The following SUGCT variants were observed in gnomAD, a reference collection of about 807,000 sequenced individuals.
The protein encoded by SUGCT is succinyl-CoA:glutarate-CoA transferase.
In SUGCT, 41 loss-of-function variants were observed where a neutral mutation model predicts 55.0. The ratio of observed to expected loss-of-function variants is 0.74; its 90% CI spans 0.58 to 0.97. The LOEUF (loss-of-function observed/expected upper bound fraction) is 0.97. Ranked by LOEUF, SUGCT falls within the 50% of genes least tolerant of loss-of-function variation. The pLI is 0.00. For missense variants in SUGCT, 568 were observed against 547.8 expected (o/e 1.04, Z -0.37); for synonymous variants, 187 against 200.4 (o/e 0.93, Z 0.56).
chr7:40,380,553 ACTT>A (rs1562732367), intron 9 of SUGCT, among the ~76,000 whole-genome samples: 1 of 152,058 alleles, frequency 6.6e-6, no homozygotes, highest in African/African-American at 2.4e-5. Context: ...TTTGAAGAAG[ACTT>A]CTTTGACTTT....
chr7:40,481,355 T>TTA (rs1445015444), intron 11 of SUGCT, among the ~76,000 whole-genome samples: 17 of 150,292 alleles, frequency 1.1e-4, no homozygotes, highest in East Asian at 3.9e-4. Flanking sequence ...GATATATATA[T>TTA]TATATATATA....
chr7:40,677,575 A>G (rs1784060065), intron 12 of SUGCT, among the ~76,000 whole-genome samples: 1 of 152,058 alleles, frequency 6.6e-6, no homozygotes, highest in Non-Finnish European at 1.5e-5. Flanking sequence ...CTCTCTTTCT[A>G]CCTGCTCCTT....
intron 11 of SUGCT, among the ~76,000 whole-genome samples, chr7:40,494,101 A>G (rs1791845002): frequency 6.6e-6 from 1 of 152,174 alleles, no homozygotes; most frequent in South Asian, 2.1e-4. Flanking sequence ...TAAATACTAA[A>G]ACTTCAACTA....
chr7:40,628,916 AT>A (rs1229346623), intron 12 of SUGCT, among the ~76,000 whole-genome samples: 1 of 151,926 alleles, frequency 6.6e-6, no homozygotes, highest in Non-Finnish European at 1.5e-5. Context: ...AATTTTTTGT[AT>A]TTTTGGTAGA....
chr7:40,537,359 A>G (rs566928627), intron 12 of SUGCT, among the ~76,000 whole-genome samples: 85 of 152,260 alleles, frequency 5.6e-4, no homozygotes, highest in African/African-American at 1.9e-3. Context: ...AAAAAATGCT[A>G]TTTTTTATAT....
chr7:40,184,690 A>T (rs955566373), intron 3 of SUGCT, among the ~76,000 whole-genome samples: 12 of 152,116 alleles, frequency 7.9e-5, no homozygotes, highest in African/African-American at 2.7e-4. Context: ...TTATGTTTCA[A>T]GATCTGATCC....
chr7:40,956,916 A>G, the SUGCT span, among the ~76,000 whole-genome samples: 1 of 152,090 alleles, frequency 6.6e-6, no homozygotes, highest in Non-Finnish European at 1.5e-5. Flanking sequence ...GTTTCCATGT[A>G]GTTGTGTGGT....
At chr7:40,898,292 C>G in the SUGCT span, among the ~76,000 whole-genome samples, 1 of 152,130 alleles carries the variant, frequency 6.6e-6, no homozygotes, top group Non-Finnish European at 1.5e-5. Flanking sequence ...ACAAACAACT[C>G]CAGACATGCT....
intron 9 of SUGCT, among the ~76,000 whole-genome samples, chr7:40,390,823 C>G (rs898594549): frequency 6.6e-6 from 1 of 152,156 alleles, no homozygotes; most frequent in Non-Finnish European, 1.5e-5. Flanking sequence ...CCCACATTGC[C>G]AAGATAATCC....
At chr7:40,147,758 C>A (rs906913804) in intron 1 of SUGCT, among the ~76,000 whole-genome samples, 1 of 152,218 alleles carries the variant, frequency 6.6e-6, no homozygotes, top group Non-Finnish European at 1.5e-5. Flanking sequence ...CGGGGCGGAC[C>A]TCCTCATGAG....
At chr7:40,933,699 A>G in the SUGCT span, among the ~76,000 whole-genome samples, 3 of 152,112 alleles carry the variant, frequency 2.0e-5, no homozygotes, top group Non-Finnish European at 4.4e-5. Context: ...TCAGTCACTG[A>G]TATCCTTTCT....
chr7:40,405,231 C>A (rs1786293275), intron 9 of SUGCT, among the ~76,000 whole-genome samples: 2 of 152,140 alleles, frequency 1.3e-5, no homozygotes, highest in Non-Finnish European at 1.5e-5. Context: ...GAGACCCAAT[C>A]ACATGTATAC....
At chr7:40,260,806 C>A (rs1325644485) in intron 7 of SUGCT, among the ~76,000 whole-genome samples, 1 of 152,124 alleles carries the variant, frequency 6.6e-6, no homozygotes, top group Non-Finnish European at 1.5e-5. Flanking sequence ...TGTGCGCCAC[C>A]ATGCCTGGCT....
chr7:40,946,210 G>C, the SUGCT span, among the ~76,000 whole-genome samples: 3 of 151,526 alleles, frequency 2.0e-5, no homozygotes, highest in Non-Finnish European at 4.4e-5. Context: ...ATTTATGCTT[G>C]CTTTATACTA....
intron 9 of SUGCT, among the ~76,000 whole-genome samples, chr7:40,387,445 A>G (rs1253889280): frequency 6.6e-6 from 1 of 152,176 alleles, no homozygotes; most frequent in African/African-American, 2.4e-5. Flanking sequence ...TGAACTGAAC[A>G]ACAGAACACA....
chr7:40,138,792 CACAGAA>C (rs1787828819), intron 1 of SUGCT, among the ~76,000 whole-genome samples: 1 of 152,068 alleles, frequency 6.6e-6, no homozygotes, highest in African/African-American at 2.4e-5. Flanking sequence ...CATGGCAGTA[CACAGAA>C]ATTTTCAGGG....
chr7:40,203,224 A>G (rs1786717130), intron 6 of SUGCT, among the ~76,000 whole-genome samples: 1 of 152,198 alleles, frequency 6.6e-6, no homozygotes. Flanking sequence ...CTTTTCTCAC[A>G]TATCCTCAAA....
intron 5 of SUGCT, among the ~76,000 whole-genome samples, chr7:40,193,668 G>A (rs1830422): frequency 0.51 from 77,317 of 151,028 alleles, 20,168 homozygotes; most frequent in Middle Eastern, 0.64. Flanking sequence ...GCATGATCTC[G>A]GCTCACTGTG....
At chr7:40,955,531 G>C in the SUGCT span, among the ~76,000 whole-genome samples, 7 of 152,144 alleles carry the variant, frequency 4.6e-5, no homozygotes, top group African/African-American at 1.4e-4. Context: ...AGGAGATTTT[G>C]GGCTGAGATG....
Sources: gnomAD v4.1 joint callset for allele counts (sites outside exome capture counted in the v4.1 genomes callset) on GRCh38, gnomAD v4.1.1 for gene constraint, MANE v1.5 for transcripts, NCBI Gene and HGNC (gene_info 2026-07-23, HGNC 2026-07-21) for gene names.